Variants in PIEZO2 observed in about 807,000 individuals in gnomAD.
The protein encoded by PIEZO2 is piezo-type mechanosensitive ion channel component 2.
A neutral mutation model predicts 337.3 loss-of-function variants in PIEZO2; 172 were observed. That is an observed-to-expected ratio of 0.51 (90% confidence interval 0.45 to 0.58). The LOEUF (loss-of-function observed/expected upper bound fraction) is 0.58, where lower values mean the gene tolerates loss of function less well. Among genes scored for constraint, PIEZO2 ranks in the 20% least tolerant of loss-of-function variants. The probability of loss-of-function intolerance (pLI) is 0.00; values close to 1 mark genes in which losing one functional copy is unlikely to be tolerated. For synonymous variants in PIEZO2, 1,251 were observed against 1,228.5 expected (o/e 1.02, Z -0.38); for missense variants, 3,028 against 3,391.3 (o/e 0.89, Z 2.66).
intron 1 of PIEZO2, among the ~76,000 whole-genome samples, chr18:11,095,170 G>C (rs2039227290): frequency 6.6e-6 from 1 of 152,220 alleles, no homozygotes; most frequent in African/African-American, 2.4e-5. Flanking sequence ...CTGAGCCTCA[G>C]AACTCAGGTA....
At position 10,726,546 on chromosome 18, in the gene PIEZO2, C is replaced by T; in HGVS notation, c.5029+4861G>A. 1.4e-6 allele frequency: 2 copies of T among 1,423,826 alleles called. No homozygotes were observed. The highest frequency in any genetic ancestry group is 1.9e-6 in the Non-Finnish European group (2 of 1,075,480). 88.2% of individuals were successfully genotyped at this position (1,423,826 alleles called of 1,614,324 possible). A position where few individuals can be genotyped will look rare whatever the true frequency, so the allele number is the denominator to read the frequency against. On this transcript the variant is annotated intron_variant, in intron 36 of 55. Transcript: ENST00000674853. The surrounding 1 kb of genome is among the most constrained non-coding windows in gnomAD (Gnocchi z 5.9). ...GCTGCGCTGCTCTGCTCTGCTACAC[C>T]AGCCGCCACGCTGTGCGTCTGTCCT...
rs1360501029 is a variant in PIEZO2, at chr18:10,748,804, A to AT, written c.4265-175dup. ...AAGGAGATCACACACTTCCAATCCA[A>AT]TATCAACACTGATTCATAAGGCTGA... On this transcript the variant is annotated intron_variant, in intron 29 of 55. Coordinates refer to ENST00000674853, the MANE Select transcript of PIEZO2 (RefSeq NM_001378183.1). The surrounding 1 kb of genome is among the most constrained non-coding windows in gnomAD (Gnocchi z 5.1). Among the ~76,000 whole-genome samples the AT allele has an allele frequency of 1.3e-5, 2 of 152,200 alleles. No homozygotes were observed. Among genetic ancestry groups the AT allele is most frequent in the African/African-American group, 4.8e-5 (2 of 41,454 alleles).
chr18:11,120,316 GT>G (rs992693718), intron 1 of PIEZO2, among the ~76,000 whole-genome samples: 14 of 151,358 alleles, frequency 9.2e-5, no homozygotes, highest in African/African-American at 2.7e-4. Context: ...CACAAAATAT[GT>G]TTTTTTTTCT....
intron 2 of PIEZO2, among the ~76,000 whole-genome samples, chr18:11,052,536 CTAATTT>C (rs2037568117): frequency 6.6e-6 from 1 of 152,084 alleles, no homozygotes; most frequent in African/African-American, 2.4e-5. Context: ...TTTGACAAGT[CTAATTT>C]AATCAGTTTA....
rs1464798960 is a variant in PIEZO2, at chr18:10,954,525, A to T, written c.286+25010T>A. 6.6e-6 allele frequency among the ~76,000 whole-genome samples: 1 copy of T among 152,234 alleles called. No homozygotes were observed. Among genetic ancestry groups the T allele is most frequent in the Non-Finnish European group, 1.5e-5 (1 of 68,044 alleles). ...GCATCCTGTGATGTTGACTTTTTGA[A>T]ATATTCTACATTGATGGTGTCTCTG... On this transcript the variant is annotated intron_variant, in intron 3 of 55. Coordinates refer to ENST00000674853, the MANE Select transcript of PIEZO2 (RefSeq NM_001378183.1). This position sits in a 1 kb window ranked among gnomAD's most constrained non-coding sequence, Gnocchi z 4.2.
At chr18:10,852,276 C>A (rs763083756) in intron 7 of PIEZO2, among the ~76,000 whole-genome samples, 30 of 152,156 alleles carry the variant, frequency 2.0e-4, no homozygotes, top group Admixed American at 5.2e-4. Flanking sequence ...AATTTCACTT[C>A]TCCAGTTGCC....
chr18:10,689,947 C>G (rs569159602), intron 48 of PIEZO2, 145 bp from the exon 49 acceptor site: 1 of 833,874 alleles, frequency 1.2e-6, no homozygotes, highest in South Asian at 2.1e-5. Context: ...TAAAACCCAA[C>G]TTGGAACACA....
intron 2 of PIEZO2, among the ~76,000 whole-genome samples, chr18:11,005,934 C>G (rs116773185): frequency 2.0e-5 from 3 of 152,338 alleles, no homozygotes; most frequent in African/African-American, 7.2e-5. Flanking sequence ...ACTTCTCGTT[C>G]CATCACATTT....
rs374191299 is a variant in PIEZO2 at position 10,843,402 on chromosome 18, A to C, written c.917+11951T>G. ...TTCTCAAAAGATCTCTTTAGATTTC[A>C]TTTTATACGCTGTTCTCTTAACTTG... is the stretch of plus-strand genomic sequence containing the variant. On this transcript the variant is annotated intron_variant, in intron 7 of 55. Coordinates refer to ENST00000674853, the MANE Select transcript of PIEZO2 (RefSeq NM_001378183.1). Among the ~76,000 whole-genome samples, 24 of 152,196 alleles carry C rather than the reference A, an allele frequency of 1.6e-4. No individual in the cohort carries two copies. In the South Asian group the frequency reaches 3.3e-3, roughly 21 times the overall value.
At chr18:10,941,416 G>T (rs563353689) in intron 3 of PIEZO2, among the ~76,000 whole-genome samples, 2 of 152,222 alleles carry the variant, frequency 1.3e-5, no homozygotes, top group East Asian at 3.9e-4. Flanking sequence ...GACCCTAAAG[G>T]GTTGCTTGTT....
At chr18:11,144,429 C>T (rs1363734387) in intron 1 of PIEZO2, among the ~76,000 whole-genome samples, 3 of 152,270 alleles carry the variant, frequency 2.0e-5, no homozygotes, top group Admixed American at 2.0e-4. Flanking sequence ...CTGAGAGCTA[C>T]AGCCACCGCA....
intron 1 of PIEZO2, among the ~76,000 whole-genome samples, chr18:11,087,839 C>T (rs1004981748): frequency 3.9e-5 from 6 of 152,264 alleles, no homozygotes; most frequent in African/African-American, 1.4e-4. Flanking sequence ...AGGCTGAGCA[C>T]GGTGCCTGCC....
At chr18:10,937,538 T>C (rs1431083897) in intron 3 of PIEZO2, among the ~76,000 whole-genome samples, 1 of 152,188 alleles carries the variant, frequency 6.6e-6, no homozygotes, top group African/African-American at 2.4e-5. Flanking sequence ...ACAGAGCTAG[T>C]TCATTATGTC....
In PIEZO2 at chr18:10,677,661, C is replaced by T; in HGVS notation, c.8081+86G>A. The T allele has an allele frequency of 1.4e-6, 2 of 1,451,360 alleles. No homozygotes were observed. Among genetic ancestry groups the T allele is most frequent in the Non-Finnish European group, 9.4e-7 (1 of 1,063,628 alleles). The allele number at this position is 1,451,360 out of a possible 1,614,324, so 89.9% of individuals were successfully genotyped here. ...GTTACCAAAGAATGAAGTTGCATTC[C>T]TCATACACATGAATCTGTAGATGGA... On this transcript the variant is annotated intron_variant, in intron 53 of 55. Transcript: ENST00000674853. The surrounding 1 kb of genome is among the most constrained non-coding windows in gnomAD (Gnocchi z 4.1).
At position 11,097,424 on chromosome 18, in the gene PIEZO2, C is replaced by T. The variant is rs190640348; in HGVS notation, c.65-31202G>A. 6.6e-6 allele frequency among the ~76,000 whole-genome samples: 1 copy of T among 152,320 alleles called. No homozygotes were observed. The highest frequency in any genetic ancestry group is 1.5e-5 in the Non-Finnish European group (1 of 68,042). ...CTGACTCATTAACTGCCCGGCCCCT[C>T]ACAGAAAAAGTTTGCTGGTCACAGA... is the stretch of plus-strand genomic sequence containing the variant. On this transcript the variant is annotated intron_variant, in intron 1 of 55. Coordinates refer to ENST00000674853, the MANE Select transcript of PIEZO2 (RefSeq NM_001378183.1). This position sits in a 1 kb window ranked among gnomAD's most constrained non-coding sequence, Gnocchi z 5.0.
chr18:11,147,177 A>G (rs967096741), intron 1 of PIEZO2, among the ~76,000 whole-genome samples: 3 of 152,132 alleles, frequency 2.0e-5, no homozygotes, highest in African/African-American at 7.2e-5. Flanking sequence ...CGCTCTGTGG[A>G]AGCTTAGCTC....
Position 10,726,439 on chromosome 18 carries a change from G to A in PIEZO2, c.5029+4968C>T. On this transcript the variant is annotated intron_variant, in intron 36 of 55. Transcript: ENST00000674853. This position sits in a 1 kb window ranked among gnomAD's most constrained non-coding sequence, Gnocchi z 5.9. ...AACGCGGAGGGCCGGCTGCGGTACG[G>A]GCTACGGCCGGCGAACCCCACGAGG... The A allele has an allele frequency of 2.0e-6, 3 of 1,530,020 alleles. No individual in the cohort carries two copies. Among genetic ancestry groups the A allele is most frequent in the East Asian group, 4.9e-5 (2 of 40,778 alleles). 94.8% of individuals were successfully genotyped at this position (1,530,020 alleles called of 1,614,324 possible).
chr18:10,751,639 A>G (rs1220042202), intron 28 of PIEZO2, among the ~76,000 whole-genome samples: 2 of 152,218 alleles, frequency 1.3e-5, no homozygotes, highest in African/African-American at 4.8e-5. Flanking sequence ...TCACAACTGA[A>G]TTGCCTGGAG....
At chr18:11,014,819 C>A (rs572872088) in intron 2 of PIEZO2, among the ~76,000 whole-genome samples, 6 of 136,464 alleles carry the variant, frequency 4.4e-5, no homozygotes, top group South Asian at 5.0e-4. Context: ...CGATCCGGGG[C>A]CCCCTCATTC....
Sources: gnomAD v4.1 joint callset for allele counts (sites outside exome capture counted in the v4.1 genomes callset) on GRCh38, gnomAD v4.1.1 for gene constraint, Gnocchi (gnomAD v3.1) non-coding constraint, MANE v1.5 for transcripts, NCBI Gene and HGNC (gene_info 2026-07-23, HGNC 2026-07-21) for gene names.